NRXN1: variants seen among roughly 807,000 people sequenced by gnomAD.
NRXN1 encodes neurexin-1.
Under a neutral mutation model 150.9 loss-of-function variants are expected in NRXN1, and 39 were observed. The observed-to-expected ratio is 0.26, with a 90% CI of 0.20 to 0.34. The LOEUF (loss-of-function observed/expected upper bound fraction) is 0.34. Ranked by LOEUF, NRXN1 falls within the 10% of genes least tolerant of loss-of-function variation. The pLI is 1.00. For synonymous variants in NRXN1, 924 were observed against 757.0 expected, an observed-to-expected ratio of 1.22 and a Z score of -3.62; for missense variants, 1,815 against 1,949.9, an observed-to-expected ratio of 0.93 and a Z score of 1.30.
rs1424224468 is a variant in NRXN1, at chr2:50,818,516, C to T, written c.832+103353G>A. On this transcript the variant is annotated intron_variant, in intron 5 of 22. Coordinates refer to ENST00000401669, the MANE Select transcript of NRXN1 (RefSeq NM_001330078.2). ...TGAAACTGGATCCTTATCTTACACA[C>T]AAAAATCAACTCATAATAGATTAAA... Among the ~76,000 whole-genome samples, 2 of 151,694 alleles carry T rather than the reference C, an allele frequency of 1.3e-5. 1 individual carries two copies. The highest frequency in any genetic ancestry group is 1.3e-4 in the Admixed American group (2 of 15,198).
chr2:50,345,059 C>A (rs138826451), intron 17 of NRXN1, among the ~76,000 whole-genome samples: 1 of 152,160 alleles, frequency 6.6e-6, no homozygotes, highest in East Asian at 1.9e-4. Context: ...GTGGTGAGAT[C>A]ACCAGAAACT....
chr2:49,922,344 A>G (rs1668366702), intron 22 of NRXN1, 93 bp from the exon 23 acceptor site: 2 of 1,254,786 alleles, frequency 1.6e-6, no homozygotes, highest in Non-Finnish European at 2.3e-6. Flanking sequence ...TAATTCTAAC[A>G]GCACCTATGC....
intron 5 of NRXN1, among the ~76,000 whole-genome samples, chr2:50,844,793 G>C (rs1324869900): frequency 6.6e-6 from 1 of 152,116 alleles, no homozygotes; most frequent in African/African-American, 2.4e-5. Context: ...GGAATGGAAA[G>C]TTATAGGAGA....
chr2:50,388,504 T>C (rs1243856814), intron 17 of NRXN1, among the ~76,000 whole-genome samples: 3 of 152,146 alleles, frequency 2.0e-5, no homozygotes, highest in Admixed American at 6.6e-5. Context: ...TATTGCCCTG[T>C]ATACAAACCA....
chr2:50,785,791 G>A (rs1231116483), intron 5 of NRXN1, among the ~76,000 whole-genome samples: 4 of 152,126 alleles, frequency 2.6e-5, no homozygotes, highest in African/African-American at 4.8e-5. Flanking sequence ...GTAGAAGGGA[G>A]TTCTAAAGCA....
At chr2:50,193,242 G>T (rs1032717990) in intron 18 of NRXN1, among the ~76,000 whole-genome samples, 1 of 152,034 alleles carries the variant, frequency 6.6e-6, no homozygotes, top group African/African-American at 2.4e-5. Context: ...ACTGATTAAA[G>T]AAATTACTTC....
intron 18 of NRXN1, among the ~76,000 whole-genome samples, chr2:50,130,767 G>C (rs530833441): frequency 8.5e-5 from 13 of 152,122 alleles, no homozygotes; most frequent in Non-Finnish European, 1.6e-4. Flanking sequence ...CCTCCGAAAA[G>C]GCTTTAAGTT....
At chr2:50,952,029 G>A (rs1250620704) in intron 2 of NRXN1, among the ~76,000 whole-genome samples, 1 of 141,060 alleles carries the variant, frequency 7.1e-6, no homozygotes, top group Non-Finnish European at 1.5e-5. Context: ...TGCAGTGGCG[G>A]GATCTCGGCT....
At chr2:50,669,327 T>G (rs986274010) in intron 5 of NRXN1, among the ~76,000 whole-genome samples, 1 of 151,928 alleles carries the variant, frequency 6.6e-6, no homozygotes, top group African/African-American at 2.4e-5. Context: ...TTTAAGTCTT[T>G]GAAAAGTCCC....
At chr2:50,178,511 G>A (rs1372683084) in intron 18 of NRXN1, among the ~76,000 whole-genome samples, 1 of 151,900 alleles carries the variant, frequency 6.6e-6, no homozygotes, top group Admixed American at 6.6e-5. Context: ...ACCTACAGAA[G>A]GTTGGAAACA....
At chr2:50,177,340 A>C (rs2060415284) in intron 18 of NRXN1, among the ~76,000 whole-genome samples, 1 of 152,108 alleles carries the variant, frequency 6.6e-6, no homozygotes, top group East Asian at 1.9e-4. Context: ...TTAAATAGTT[A>C]ATAGTTGTTT....
intron 8 of NRXN1, among the ~76,000 whole-genome samples, chr2:50,562,012 T>G (rs927656999): frequency 6.6e-6 from 1 of 152,176 alleles, no homozygotes; most frequent in Non-Finnish European, 1.5e-5. Flanking sequence ...CCAAAAAACT[T>G]TTCAATCTCC....
chr2:50,527,362 T>C (rs1205097891), intron 12 of NRXN1, among the ~76,000 whole-genome samples: 1 of 152,106 alleles, frequency 6.6e-6, no homozygotes, highest in Non-Finnish European at 1.5e-5. Context: ...ATGGAGGAGA[T>C]AGAGTTGGAG....
At chr2:50,525,536 T>G (rs956735111) in intron 12 of NRXN1, among the ~76,000 whole-genome samples, 1 of 152,202 alleles carries the variant, frequency 6.6e-6, no homozygotes, top group Non-Finnish European at 1.5e-5. Context: ...TTGGAAACAC[T>G]GACCTTAATC....
intron 17 of NRXN1, among the ~76,000 whole-genome samples, chr2:50,382,041 C>T (rs1205642051): frequency 6.6e-6 from 1 of 152,044 alleles, no homozygotes; most frequent in African/African-American, 2.4e-5. Context: ...TTCTGCAAGG[C>T]CCAGAGTAGA....
intron 13 of NRXN1, among the ~76,000 whole-genome samples, chr2:50,500,498 T>G (rs2091889590): frequency 1.3e-5 from 2 of 152,188 alleles, no homozygotes; most frequent in South Asian, 4.1e-4. Context: ...ACTCCAATGT[T>G]TAATCCTCAT....
At chr2:50,280,659 T>C (rs144314307) in intron 17 of NRXN1, among the ~76,000 whole-genome samples, 1 of 152,252 alleles carries the variant, frequency 6.6e-6, no homozygotes, top group African/African-American at 2.4e-5. Flanking sequence ...GGTAGTTAAG[T>C]GGTGATTACA....
chr2:50,266,169 T>C (rs1031505132), intron 17 of NRXN1, among the ~76,000 whole-genome samples: 4 of 149,454 alleles, frequency 2.7e-5, no homozygotes, highest in Non-Finnish European at 5.9e-5. Flanking sequence ...CAGGTAATTT[T>C]TGTAGTTTTA....
At chr2:50,894,290 C>A (rs1415728638) in intron 5 of NRXN1, among the ~76,000 whole-genome samples, 1 of 145,454 alleles carries the variant, frequency 6.9e-6, no homozygotes, top group Admixed American at 6.8e-5. Flanking sequence ...ACAGGAAAAG[C>A]AAAATAAATG....
Sources: gnomAD v4.1 joint callset for allele counts (sites outside exome capture counted in the v4.1 genomes callset) on GRCh38, gnomAD v4.1.1 for gene constraint, MANE v1.5 for transcripts, NCBI Gene and HGNC (gene_info 2026-07-23, HGNC 2026-07-21) for gene names.